The following POLK variants were observed in gnomAD, a reference collection of about 807,000 sequenced individuals.
The protein encoded by POLK is DNA polymerase kappa, also known as polymerase (DNA directed) kappa.
In POLK, 76 loss-of-function variants were observed where a neutral mutation model predicts 94.0. That is an observed-to-expected ratio of 0.81 (90% CI 0.67 to 0.98). The LOEUF is 0.98. Ranked by LOEUF, POLK falls within the 50% of genes least tolerant of loss-of-function variation. POLK has a pLI of 0.00. For synonymous variants in POLK, 349 were observed against 325.4 expected, an observed-to-expected ratio of 1.07 and a Z score of -0.78; for missense variants, 954 against 1,010.1, an observed-to-expected ratio of 0.94 and a Z score of 0.75.
At chr5:75,523,815 C>T (rs1450387601) in intron 1 of POLK, among the ~76,000 whole-genome samples, 1 of 152,020 alleles carries the variant, frequency 6.6e-6, no homozygotes, top group East Asian at 1.9e-4. Context: ...ATCTTTGTTG[C>T]ATGTCAGAGA....
chr5:75,523,487 A>G (rs192701583), intron 1 of POLK, among the ~76,000 whole-genome samples: 7 of 152,338 alleles, frequency 4.6e-5, no homozygotes, highest in Admixed American at 3.3e-4. Context: ...ATGTGAAAAG[A>G]TGTGTAAAGT....
chr5:75,524,065 G>T (rs1022071262), intron 1 of POLK, among the ~76,000 whole-genome samples: 5 of 151,940 alleles, frequency 3.3e-5, no homozygotes, highest in Non-Finnish European at 1.5e-5. Context: ...GGGAGGCAGA[G>T]GTTGCAGTGA....
intron 5 of POLK, among the ~76,000 whole-genome samples, chr5:75,575,539 G>A (rs1771828618): frequency 6.6e-6 from 1 of 152,064 alleles, no homozygotes; most frequent in Admixed American, 6.6e-5. Context: ...TTACTGGAAC[G>A]TCTCTTTTAA....
intron 10 of POLK, among the ~76,000 whole-genome samples, chr5:75,587,321 C>T (rs1772525743): frequency 6.6e-6 from 1 of 152,128 alleles, no homozygotes; most frequent in Non-Finnish European, 1.5e-5. Context: ...TTTAGAATTT[C>T]ATATCTTAAT....
chr5:75,560,346 A>G (rs1770904912), intron 3 of POLK, among the ~76,000 whole-genome samples: 1 of 152,174 alleles, frequency 6.6e-6, no homozygotes, highest in South Asian at 2.1e-4. Flanking sequence ...GGTGCATTAC[A>G]TGGGTGTCTC....
exon 15 of POLK, chr5:75,599,895 T>C (rs1317878777): frequency 2.0e-5 from 3 of 152,186 alleles, no homozygotes; most frequent in African/African-American, 4.8e-5. Context: ...CCCAGAATTT[T>C]CTTCACATTC....
chr5:75,572,774 G>A (rs1326381154), intron 4 of POLK, among the ~76,000 whole-genome samples: 1 of 152,058 alleles, frequency 6.6e-6, no homozygotes, highest in East Asian at 1.9e-4. Context: ...TAAAACAGTG[G>A]CCTATAATCA....
At chr5:75,576,651 T>G in intron 5 of POLK, 129 bp from the exon 6 acceptor site, 1 of 432,298 alleles carries the variant, frequency 2.3e-6, no homozygotes, top group East Asian at 3.6e-5. Flanking sequence ...CTTAAATCCA[T>G]GAACTATTGA....
chr5:75,585,641 T>A (rs545109395), intron 9 of POLK, among the ~76,000 whole-genome samples: 2 of 152,250 alleles, frequency 1.3e-5, no homozygotes, highest in South Asian at 4.1e-4. Flanking sequence ...TGCCACTCTT[T>A]CATCTAGGTC....
chr5:75,598,490 A>G (rs1421822320), exon 15 of POLK: 1 of 152,604 alleles, frequency 6.6e-6, no homozygotes, highest in East Asian at 1.9e-4. Context: ...TGTAACTAGC[A>G]TAAGTGGTTT....
intron 3 of POLK, among the ~76,000 whole-genome samples, chr5:75,558,314 A>G (rs578173532): frequency 6.7e-6 from 1 of 148,370 alleles, no homozygotes; most frequent in African/African-American, 2.5e-5. Flanking sequence ...TAGTATTTTT[A>G]TAGCTCTTGG....
chr5:75,511,771 C>A (rs1340325979), exon 1 of POLK: 2 of 1,551,438 alleles, frequency 1.3e-6, no homozygotes, highest in South Asian at 2.4e-5. Context: ...CCGGCTCTCC[C>A]GGGTGACGAC....
intron 1 of POLK, among the ~76,000 whole-genome samples, chr5:75,543,795 C>T (rs1769871949): frequency 6.6e-6 from 1 of 152,106 alleles, no homozygotes; most frequent in African/African-American, 2.4e-5. Context: ...TCTTTTGATT[C>T]AAGCACCAAA....
chr5:75,566,401 C>T (rs549690134), intron 3 of POLK, among the ~76,000 whole-genome samples: 8 of 152,284 alleles, frequency 5.3e-5, no homozygotes, highest in Middle Eastern at 3.4e-3. Context: ...CGTTCAGGCA[C>T]CACTGGGGTA....
intron 1 of POLK, among the ~76,000 whole-genome samples, chr5:75,528,162 T>C (rs1208911866): frequency 1.3e-5 from 2 of 152,150 alleles, no homozygotes; most frequent in Non-Finnish European, 2.9e-5. Flanking sequence ...AAATCTACTA[T>C]GTCTAAAATA....
In POLK at chr5:75,597,119, A is replaced by AG. The variant is rs750360461; in HGVS notation, c.2426_2427insG (p.Leu810IlefsTer5). On this transcript the variant is annotated frameshift_variant, in exon 13 of 15. Transcript: ENST00000241436. LOFTEE classifies it high-confidence loss of function. ...TGCTTAAATAAAAGTTTTATCCAAG[A>AG]ATTAAGAAAGGATAAATTTAACCCA... 2 of 1,612,238 alleles carry AG rather than the reference A, an allele frequency of 1.2e-6. No individual in the cohort carries two copies. The highest frequency in any genetic ancestry group is 1.7e-6 in the Non-Finnish European group (2 of 1,178,386).
the POLK span, chr5:75,609,522 C>T: frequency 1.3e-5 from 2 of 152,106 alleles, no homozygotes; most frequent in Non-Finnish European, 1.5e-5. Flanking sequence ...CTGCTGTTTT[C>T]ACTATTATTC....
intron 10 of POLK, among the ~76,000 whole-genome samples, chr5:75,589,455 TTTTG>T (rs1299387590): frequency 6.7e-6 from 1 of 148,582 alleles, no homozygotes; most frequent in Non-Finnish European, 1.5e-5. Context: ...TATTTCTTTT[TTTTG>T]TTTGTTTTTG....
chr5:75,522,810 G>A (rs1009903642), intron 1 of POLK, among the ~76,000 whole-genome samples: 2 of 151,914 alleles, frequency 1.3e-5, no homozygotes, highest in Non-Finnish European at 2.9e-5. Flanking sequence ...TTATAAAGAG[G>A]ATGAATACAT....
Sources: allele counts gnomAD v4.1 joint callset (sites outside exome capture counted in the v4.1 genomes callset), GRCh38; gene constraint gnomAD v4.1.1; transcripts MANE v1.5; gene names NCBI Gene and HGNC (gene_info 2026-07-23, HGNC 2026-07-21).